STK32B: variants seen among roughly 807,000 people sequenced by gnomAD.
The protein encoded by STK32B is serine/threonine kinase 32B, also known as serine/threonine-protein kinase 32B.
A neutral mutation model predicts 52.6 loss-of-function variants in STK32B; 43 were observed. That is an observed-to-expected ratio of 0.82 (90% CI 0.64 to 1.05). STK32B has a LOEUF of 1.05. Among genes scored for constraint, STK32B ranks in the 50% least tolerant of loss-of-function variants. The pLI is 0.00. For missense variants in STK32B, 621 were observed against 534.6 expected (o/e 1.16, Z -1.59); for synonymous variants, 238 against 204.3 (o/e 1.17, Z -1.41).
chr4:5,223,060 G>T (rs930271818), intron 3 of STK32B, among the ~76,000 whole-genome samples: 1 of 152,180 alleles, frequency 6.6e-6, no homozygotes, highest in Non-Finnish European at 1.5e-5. Flanking sequence ...CAAGTCTCTG[G>T]TTCCCCACAT....
At chr4:5,353,149 C>G (rs1047082465) in intron 4 of STK32B, among the ~76,000 whole-genome samples, 1 of 151,976 alleles carries the variant, frequency 6.6e-6, no homozygotes, top group Non-Finnish European at 1.5e-5. Flanking sequence ...AAGAACGTAC[C>G]TGGGGAAACA....
chr4:5,397,755 C>G (rs115796835), intron 4 of STK32B, among the ~76,000 whole-genome samples: 1,867 of 152,348 alleles, frequency 0.012, 23 homozygotes, highest in South Asian at 0.057. Flanking sequence ...CTGGATTTGG[C>G]CAAGAGCCGT....
intron 1 of STK32B, among the ~76,000 whole-genome samples, chr4:5,083,884 C>T (rs373318944): frequency 2.4e-4 from 36 of 152,096 alleles, no homozygotes; most frequent in African/African-American, 7.2e-4. Context: ...TAAAAGCACC[C>T]GCCACCACAT....
At chr4:5,239,823 A>G (rs1248737871) in intron 3 of STK32B, among the ~76,000 whole-genome samples, 1 of 151,756 alleles carries the variant, frequency 6.6e-6, no homozygotes, top group African/African-American at 2.4e-5. Flanking sequence ...CTCCAACTTC[A>G]TCTGCCAACT....
Position 5,120,731 on chromosome 4 carries a change from G to A in STK32B, c.53-19174G>A, listed in dbSNP as rs1425577668. Among the ~76,000 whole-genome samples the A allele has an allele frequency of 2.6e-5, 4 of 151,994 alleles. No homozygotes were observed. In the East Asian group the frequency reaches 7.7e-4, roughly 29 times the overall value. ...TGTTAGTGACAAATTACAACTAAAA[G>A]CCTGATGACCGATTGAAAAGGTATC... On this transcript the variant is annotated intron_variant, in intron 1 of 11. Transcript: ENST00000282908.
At chr4:5,097,185 C>T (rs987169121) in intron 1 of STK32B, among the ~76,000 whole-genome samples, 23 of 152,136 alleles carry the variant, frequency 1.5e-4, no homozygotes, top group African/African-American at 3.1e-4. Context: ...GAAAAGGGAA[C>T]GTAACAGTGG....
At chr4:5,450,965 A>T (rs965984084) in intron 7 of STK32B, among the ~76,000 whole-genome samples, 3 of 151,476 alleles carry the variant, frequency 2.0e-5, no homozygotes, top group African/African-American at 4.9e-5. Context: ...TCCCATCCAC[A>T]CTCTGTGCTT....
intron 4 of STK32B, among the ~76,000 whole-genome samples, chr4:5,355,514 TTATGA>T (rs1323076679): frequency 6.6e-6 from 1 of 152,216 alleles, no homozygotes; most frequent in Non-Finnish European, 1.5e-5. Context: ...CTGTCAGAAC[TTATGA>T]TGAGATTCTG....
chr4:5,220,669 C>A (rs181434854), intron 3 of STK32B, among the ~76,000 whole-genome samples: 1 of 152,260 alleles, frequency 6.6e-6, no homozygotes, highest in African/African-American at 2.4e-5. Flanking sequence ...ATCCTGCAGA[C>A]AATGAGGAGG....
chr4:5,183,424 C>T (rs1242136502), intron 3 of STK32B, among the ~76,000 whole-genome samples: 1 of 151,138 alleles, frequency 6.6e-6, no homozygotes, highest in African/African-American at 2.4e-5. Flanking sequence ...TTGCAGTGAG[C>T]TGAGATTGCA....
chr4:5,449,710 G>A (rs928388677), intron 7 of STK32B, among the ~76,000 whole-genome samples: 1 of 152,144 alleles, frequency 6.6e-6, no homozygotes, highest in African/African-American at 2.4e-5. Flanking sequence ...CACCACCTGA[G>A]CTCCACCTCC....
intron 9 of STK32B, among the ~76,000 whole-genome samples, chr4:5,465,830 G>A (rs1217237415): frequency 6.6e-6 from 1 of 152,174 alleles, no homozygotes; most frequent in African/African-American, 2.4e-5. Context: ...GGTCCTAACA[G>A]GCCCAGGGAC....
intron 1 of STK32B, among the ~76,000 whole-genome samples, chr4:5,107,340 T>A (rs1298686830): frequency 6.6e-6 from 1 of 152,076 alleles, no homozygotes; most frequent in Non-Finnish European, 1.5e-5. Flanking sequence ...TATATTACAG[T>A]GTAATAATAA....
chr4:5,234,869 A>G (rs967068967), intron 3 of STK32B, among the ~76,000 whole-genome samples: 5 of 152,276 alleles, frequency 3.3e-5, no homozygotes, highest in Admixed American at 1.3e-4. Context: ...TTTATGCCCA[A>G]CGAATTTGAA....
chr4:5,249,485 TCCTTCCTTCCTTCCTTCCTC>T (rs1320975831), intron 3 of STK32B, among the ~76,000 whole-genome samples: 122 of 110,732 alleles, frequency 1.1e-3, no homozygotes, highest in African/African-American at 3.8e-3. Flanking sequence ...CTTCCTTCCT[TCCTTCCTTCCTTCCTTCCTC>T]CCTCCCTTCC....
chr4:5,299,515 A>G (rs1006736284), intron 3 of STK32B, among the ~76,000 whole-genome samples: 2 of 152,114 alleles, frequency 1.3e-5, no homozygotes, highest in African/African-American at 4.8e-5. Context: ...CCATTTATTG[A>G]GTAAGGTGTC....
At chr4:5,125,875 C>G (rs947731600) in intron 1 of STK32B, among the ~76,000 whole-genome samples, 7 of 152,210 alleles carry the variant, frequency 4.6e-5, no homozygotes, top group African/African-American at 1.7e-4. Flanking sequence ...GAAGGGGCTG[C>G]CTCTTATTCC....
At chr4:5,434,897 C>T (rs942852539) in intron 6 of STK32B, among the ~76,000 whole-genome samples, 5 of 152,268 alleles carry the variant, frequency 3.3e-5, no homozygotes, top group East Asian at 1.9e-4. Flanking sequence ...AGCCACTATT[C>T]GTAATAATAG....
At chr4:5,335,750 C>T (rs1451153542) in intron 4 of STK32B, among the ~76,000 whole-genome samples, 2 of 152,170 alleles carry the variant, frequency 1.3e-5, no homozygotes, top group African/African-American at 4.8e-5. Context: ...GGTAGTCTTT[C>T]AGGAGCAGGT....
Sources: allele counts gnomAD v4.1 joint callset (sites outside exome capture counted in the v4.1 genomes callset), GRCh38; gene constraint gnomAD v4.1.1; transcripts MANE v1.5; gene names NCBI Gene and HGNC (gene_info 2026-07-23, HGNC 2026-07-21).